Variants in NOP2 observed in about 807,000 individuals in gnomAD.
The protein encoded by NOP2 is NOP2 nucleolar protein, also known as 28S rRNA (cytosine(4447)-C(5))-methyltransferase.
A neutral mutation model predicts 72.7 loss-of-function variants in NOP2; 7 were observed. That is an observed-to-expected ratio of 0.10 (90% CI 0.05 to 0.18). The LOEUF (loss-of-function observed/expected upper bound fraction) is 0.18. Ranked by LOEUF, NOP2 falls within the 10% of genes least tolerant of loss-of-function variation. NOP2 has a pLI of 1.00. For synonymous variants in NOP2, 387 were observed against 388.0 expected (o/e 1.00, Z 0.03); for missense variants, 954 against 1,014.7 (o/e 0.94, Z 0.81).
Position 6,557,410 on chromosome 12 carries a change from G to A in NOP2, c.2022C>T (p.Ser674=). 3 of 1,614,078 alleles carry A rather than the reference G, an allele frequency of 1.9e-6. No homozygotes were observed. The highest frequency in any genetic ancestry group is 2.5e-6 in the Non-Finnish European group (3 of 1,179,910). Residue 674 remains serine, a synonymous_variant, in exon 16 of 16, where the codon TCC becomes TCT. Coordinates refer to ENST00000322166, the MANE Select transcript of NOP2 (RefSeq NM_001258308.2). ...CTGGCTGACTGCTATCCTGGAAGCT[G>A]GAGGAAGCTTGGGTCTTTGTGACAG... ...VPSVTKTQAS[S]SFQDSSQPAG...
Position 6,557,205 on chromosome 12 carries a change from T to C in NOP2, c.2227A>G (p.Lys743Glu). Residue 743 changes from lysine (K) to glutamate (E), a missense_variant, in exon 16 of 16, where the codon AAG (lysine) becomes GAG (glutamate). Coordinates refer to ENST00000322166, the MANE Select transcript of NOP2 (RefSeq NM_001258308.2). Reference protein sequence around the residue: ...PSKTQATLKPKDHHQPLGRAK... With the variant: ...PSKTQATLKPEDHHQPLGRAK... ...CTTCCAAGGGGCTGATGATGGTCCT[T>C]AGGTTTCAGGGTGGCCTGAGTCTTG... The C allele has an allele frequency of 6.2e-7, 1 of 1,613,988 alleles. No homozygotes were observed. The highest frequency in any genetic ancestry group is 2.2e-5 in the East Asian group (1 of 44,878).
chr12:6,558,109 C>A, intron 15 of NOP2: 2 of 356,132 alleles, frequency 5.6e-6, no homozygotes, highest in Non-Finnish European at 5.2e-6. Context: ...CCACTGCAGT[C>A]CAGCCTGAGC....
rs555926770 is a variant in NOP2 at position 6,557,409 on chromosome 12, T to C, written c.2023A>G (p.Ser675Gly). Residue 675 changes from serine to glycine, a missense_variant, in exon 16 of 16, where the codon AGC becomes GGC. Coordinates refer to ENST00000322166, the MANE Select transcript of NOP2 (RefSeq NM_001258308.2). ...GCTGGCTGACTGCTATCCTGGAAGC[T>C]GGAGGAAGCTTGGGTCTTTGTGACA... is the stretch of plus-strand genomic sequence containing the variant. ...PSVTKTQASS[S>G]FQDSSQPAGK... 1.7e-5 allele frequency: 27 copies of C among 1,614,036 alleles called. No homozygotes were observed. In the East Asian group the frequency reaches 5.8e-4, roughly 35 times the overall value.
rs1428627964 is a variant in NOP2 at position 6,561,906 on chromosome 12, C to T, written c.1044G>A (p.Val348=). The part of the protein sequence containing the change: ...LGKWSKTGLV[V]YDSSVPIGAT... The stretch of plus-strand genomic sequence containing the variant: ...TACCAATGGGCACAGAAGAATCATA[C>T]ACCACTAGTCCAGTCTTTGACCACT... Residue 348 remains valine (V), a synonymous_variant, in exon 10 of 16, where the codon GTG becomes GTA. Transcript: ENST00000322166. 1.2e-5 allele frequency: 19 copies of T among 1,612,184 alleles called. No homozygotes were observed. Among genetic ancestry groups the T allele is most frequent in the Non-Finnish European group, 1.6e-5 (19 of 1,179,200 alleles).
chr12:6,566,940 C>T, intron 2 of NOP2, 118 bp from the exon 3 acceptor site: 2 of 801,458 alleles, frequency 2.5e-6, no homozygotes, highest in African/African-American at 3.5e-5. Context: ...CCATTTAAAT[C>T]TCAGCCCTGT....
chr12:6,558,140 CAAAAAAAAAA>C, intron 15 of NOP2: 9 of 171,324 alleles, frequency 5.3e-5, no homozygotes, highest in South Asian at 7.5e-5. Context: ...GACACCGTCT[CAAAAAAAAAA>C]AAAAAAAAAA....
rs748206863 is a variant in NOP2, at chr12:6,560,922, G to C, written c.1347+9C>G. The C allele has an allele frequency of 1.9e-6, 3 of 1,613,758 alleles. No homozygotes were observed. The Admixed American group carries it at 5.0e-5, about 27-fold the overall frequency. On this transcript the variant is annotated intron_variant, in intron 12 of 15. Transcript: ENST00000322166. The surrounding 1 kb of genome is among the most constrained non-coding windows in gnomAD (Gnocchi z 5.0). ...AGAAGCCTCAGAAGACACACAGCTC[G>C]AGTCTCACCTTGGGGAACTGGCGCC... is the stretch of plus-strand genomic sequence containing the variant.
chr12:6,559,982 G>A (rs1300796057), intron 15 of NOP2, 116 bp downstream of exon 15: 3 of 759,792 alleles, frequency 3.9e-6, no homozygotes, highest in Non-Finnish European at 6.4e-6. Flanking sequence ...AGCATGCAAA[G>A]GCTGGAGTAA....
chr12:6,556,930 A>C lies in NOP2; in HGVS notation c.*63T>G. ...TATGCACAGTAGAGAAGGCATCCTC[A>C]CAGAGGCAAGAGTTCCAACCTGGTG... is the stretch of plus-strand genomic sequence containing the variant. On this transcript the variant is annotated 3_prime_UTR_variant, in exon 16 of 16. Transcript: ENST00000322166. 1 of 1,583,810 alleles carries C rather than the reference A, an allele frequency of 6.3e-7. No homozygotes were observed. Among genetic ancestry groups the C allele is most frequent in the Non-Finnish European group, 8.6e-7 (1 of 1,160,982 alleles).
Position 6,560,878 on chromosome 12 carries a change from A to T in NOP2, c.1347+53T>A. ...TCGAGTCTAAACATTGAGGTCAGGA[A>T]GGGAGAAGGTCAACCGGAAGAAGCC... On this transcript the variant is annotated intron_variant, in intron 12 of 15. Transcript: ENST00000322166. This position sits in a 1 kb window ranked among gnomAD's most constrained non-coding sequence, Gnocchi z 5.0. 2 of 1,612,034 alleles carry T rather than the reference A, an allele frequency of 1.2e-6. No individual in the cohort carries two copies. The highest frequency in any genetic ancestry group is 8.5e-7 in the Non-Finnish European group (1 of 1,178,796).
chr12:6,562,913 G>GC (rs909857507), intron 9 of NOP2, among the ~76,000 whole-genome samples, 168 bp downstream of exon 9: 1 of 152,026 alleles, frequency 6.6e-6, no homozygotes, highest in Non-Finnish European at 1.5e-5. Flanking sequence ...GAGGTCCTAG[G>GC]CCCCCAGATC....
Position 6,566,110 on chromosome 12 carries a change from TTCC to T in NOP2, c.462_464del (p.Glu155del). 4.3e-6 allele frequency: 7 copies of T among 1,612,946 alleles called. No homozygotes were observed. Among genetic ancestry groups the T allele is most frequent in the Non-Finnish European group, 5.9e-6 (7 of 1,179,256 alleles). ...AAAAGATGAATCTCACCGCTTCACC[TTCC>T]TCCTCATCCTCAGAGTTGGAGTCAG... On this transcript the variant is annotated inframe_deletion, in exon 5 of 16. Transcript: ENST00000322166.
chr12:6,559,464 G>A (rs753026653), intron 15 of NOP2, among the ~76,000 whole-genome samples: 3 of 152,128 alleles, frequency 2.0e-5, no homozygotes, highest in Non-Finnish European at 4.4e-5. Flanking sequence ...GGGTTTCACC[G>A]TGTCGAATTC....
intron 6 of NOP2, 59 bp downstream of exon 6, chr12:6,563,832 C>A: frequency 6.2e-7 from 1 of 1,613,066 alleles, no homozygotes; most frequent in Non-Finnish European, 8.5e-7. Context: ...CCTCCTTCCT[C>A]ACAGCTTCCC....
intron 15 of NOP2, chr12:6,558,207 G>T: frequency 2.9e-6 from 1 of 349,098 alleles, no homozygotes; most frequent in Non-Finnish European, 5.5e-6. Context: ...ACAGGAAGCT[G>T]CGCCCTCTTG....
chr12:6,559,545 G>C (rs1428580595), intron 15 of NOP2, among the ~76,000 whole-genome samples: 2 of 152,176 alleles, frequency 1.3e-5, no homozygotes, highest in Non-Finnish European at 2.9e-5. Context: ...TATTTCTAAA[G>C]TAGCACTTCT....
rs1540259 is a variant in NOP2 at position 6,560,921 on chromosome 12, C to T, written c.1347+10G>A. 9 of 1,613,640 alleles carry T rather than the reference C, an allele frequency of 5.6e-6. No homozygotes were observed. The highest frequency in any genetic ancestry group is 1.7e-5 in the Admixed American group (1 of 59,982). On this transcript the variant is annotated intron_variant, in intron 12 of 15. Coordinates refer to ENST00000322166, the MANE Select transcript of NOP2 (RefSeq NM_001258308.2). This position sits in a 1 kb window ranked among gnomAD's most constrained non-coding sequence, Gnocchi z 5.0. ...AAGAAGCCTCAGAAGACACACAGCT[C>T]GAGTCTCACCTTGGGGAACTGGCGC...
chr12:6,566,978 CT>C (rs11364535), intron 2 of NOP2, among the ~76,000 whole-genome samples, 156 bp from the exon 3 acceptor site: 20,431 of 145,922 alleles, frequency 0.14, 1,430 homozygotes, highest in Non-Finnish European at 0.16. Flanking sequence ...ATACAAGTTT[CT>C]TTTTTTTTTT....
intron 15 of NOP2, 103 bp from the exon 16 acceptor site, chr12:6,557,745 C>T: frequency 8.0e-7 from 1 of 1,248,784 alleles, no homozygotes; most frequent in Non-Finnish European, 1.1e-6. Flanking sequence ...TGGGCAGGAG[C>T]TCCACACAAT....
Sources: allele counts gnomAD v4.1 joint callset (sites outside exome capture counted in the v4.1 genomes callset), GRCh38; gene constraint gnomAD v4.1.1; non-coding constraint Gnocchi (gnomAD v3.1); transcripts MANE v1.5; gene names NCBI Gene and HGNC (gene_info 2026-07-23, HGNC 2026-07-21).